Variants in CSMD1 observed in about 807,000 individuals in gnomAD.
The protein encoded by CSMD1 is CUB and Sushi multiple domains 1.
A neutral mutation model predicts 417.5 loss-of-function variants in CSMD1; 213 were observed. That is an observed-to-expected ratio of 0.51 (90% CI 0.46 to 0.57). The LOEUF is 0.57. CSMD1 is among the 20% of genes least tolerant of loss of function. CSMD1 has a pLI of 0.00. For synonymous variants in CSMD1, 2,862 were observed against 1,736.8 expected, an observed-to-expected ratio of 1.65 and a Z score of -16.11; for missense variants, 6,923 against 4,529.7, an observed-to-expected ratio of 1.53 and a Z score of -15.17.
intron 50 of CSMD1, among the ~76,000 whole-genome samples, chr8:3,044,208 T>C (rs1449928365): frequency 6.6e-6 from 1 of 152,230 alleles, no homozygotes; most frequent in Non-Finnish European, 1.5e-5. Context: ...GACTGTACTG[T>C]CCTTCATATG....
At chr8:3,302,014 TTTCA>T (rs1467468684) in intron 25 of CSMD1, among the ~76,000 whole-genome samples, 1 of 152,136 alleles carries the variant, frequency 6.6e-6, no homozygotes, top group Non-Finnish European at 1.5e-5. Flanking sequence ...ACAGTCCTAT[TTTCA>T]TTGTTTTAGG....
At chr8:3,550,752 C>G (rs1439001921) in intron 10 of CSMD1, among the ~76,000 whole-genome samples, 1 of 152,156 alleles carries the variant, frequency 6.6e-6, no homozygotes, top group Non-Finnish European at 1.5e-5. Flanking sequence ...TCATGGCCAA[C>G]CAGGCTTGCA....
intron 7 of CSMD1, among the ~76,000 whole-genome samples, chr8:3,623,299 T>C (rs1796346265): frequency 6.6e-6 from 1 of 152,224 alleles, no homozygotes; most frequent in East Asian, 1.9e-4. Context: ...CTTCATCAAA[T>C]TACCCTGCTG....
chr8:4,396,202 C>T (rs1478451238), intron 3 of CSMD1, among the ~76,000 whole-genome samples: 8 of 151,934 alleles, frequency 5.3e-5, no homozygotes, highest in African/African-American at 1.7e-4. Flanking sequence ...CAATGACTCA[C>T]GCCAATCCCA....
rs181499036 is a variant in CSMD1, at chr8:3,650,840, C to A, written c.1010-34043G>T. 3.3e-5 allele frequency among the ~76,000 whole-genome samples: 5 copies of A among 152,280 alleles called. No homozygotes were observed. The East Asian group carries it at 5.8e-4, about 18-fold the overall frequency. On this transcript the variant is annotated intron_variant, in intron 7 of 69. Coordinates refer to ENST00000635120, the MANE Select transcript of CSMD1 (RefSeq NM_033225.6). ...AACACTGGTTATACCATCTCCAATC[C>A]TGACATCTCCCCTGTATGTAACTAT... is the stretch of plus-strand genomic sequence containing the variant.
chr8:3,613,616 C>G (rs1463955180), intron 8 of CSMD1, among the ~76,000 whole-genome samples: 2 of 151,424 alleles, frequency 1.3e-5, no homozygotes, highest in Non-Finnish European at 2.9e-5. Flanking sequence ...GTTAAGCCCT[C>G]ATATTCACAA....
At chr8:3,272,399 G>C (rs975258234) in intron 26 of CSMD1, among the ~76,000 whole-genome samples, 27 of 150,956 alleles carry the variant, frequency 1.8e-4, no homozygotes, top group African/African-American at 6.5e-4. Flanking sequence ...GCTCAGGACT[G>C]ACTTGGCAAT....
chr8:3,267,519 G>A (rs1050989644), intron 26 of CSMD1, among the ~76,000 whole-genome samples: 1 of 152,170 alleles, frequency 6.6e-6, no homozygotes, highest in Non-Finnish European at 1.5e-5. Context: ...GGAGTCCAGA[G>A]GAGAGAATCC....
intron 3 of CSMD1, among the ~76,000 whole-genome samples, chr8:4,267,845 G>T (rs190228424): frequency 6.6e-6 from 1 of 152,126 alleles, no homozygotes; most frequent in Admixed American, 6.6e-5. Context: ...AATTTAGCTT[G>T]AATTATTGTC....
intron 5 of CSMD1, among the ~76,000 whole-genome samples, chr8:3,833,324 A>G (rs889342176): frequency 3.9e-5 from 6 of 152,104 alleles, no homozygotes; most frequent in Non-Finnish European, 1.5e-5. Flanking sequence ...TTCGGAAAAC[A>G]TTATTCTAAG....
intron 10 of CSMD1, chr8:3,515,169 G>A (rs186528292): frequency 9.2e-5 from 14 of 152,258 alleles, no homozygotes; most frequent in Middle Eastern, 3.4e-3. Flanking sequence ...AGTCATGAAA[G>A]TCCTACTCTC....
rs143259172 is a variant in CSMD1 at position 4,314,928 on chromosome 8, C to T, written c.415+105025G>A. The stretch of plus-strand genomic sequence containing the variant: ...TCCTAAAAACACAGAGATTATACCA[C>T]AGGAAAAGTGGGGTTGACATTCTAC... On this transcript the variant is annotated intron_variant, in intron 3 of 69. Transcript: ENST00000635120. Among the ~76,000 whole-genome samples, 470 of 152,268 alleles carry T rather than the reference C, an allele frequency of 3.1e-3. 4 individuals are homozygous for T. Among genetic ancestry groups the T allele is most frequent in the African/African-American group, 0.011 (456 of 41,548 alleles).
intron 3 of CSMD1, among the ~76,000 whole-genome samples, chr8:4,120,089 C>T (rs548660670): frequency 1.1e-3 from 162 of 152,190 alleles, no homozygotes; most frequent in Admixed American, 2.1e-3. Context: ...AGGATAAATG[C>T]TTGAGGGGAT....
chr8:3,763,473 T>G (rs980876153), intron 5 of CSMD1, among the ~76,000 whole-genome samples: 1 of 152,050 alleles, frequency 6.6e-6, no homozygotes, highest in Non-Finnish European at 1.5e-5. Flanking sequence ...TCTCCTTTGC[T>G]CCCCTTCTCA....
chr8:3,538,206 A>G (rs1024538244), intron 10 of CSMD1, among the ~76,000 whole-genome samples: 1 of 152,136 alleles, frequency 6.6e-6, no homozygotes, highest in Non-Finnish European at 1.5e-5. Flanking sequence ...CATTCCCACT[A>G]GCACCATCAG....
chr8:4,615,272 A>C (rs1336270301), intron 2 of CSMD1, among the ~76,000 whole-genome samples: 1 of 152,202 alleles, frequency 6.6e-6, no homozygotes, highest in Non-Finnish European at 1.5e-5. Flanking sequence ...AGCTTAAGGC[A>C]CTATGAAATA....
At position 3,034,653 on chromosome 8, in the gene CSMD1, G is replaced by C. The variant is rs571984330; in HGVS notation, c.7661-5140C>G. Among the ~76,000 whole-genome samples, 3 of 152,078 alleles carry C rather than the reference G, an allele frequency of 2.0e-5. 1 individual carries two copies. Reference sequence around the variant, plus strand: ...AAATCAATGCATAATAGTTTAACAAGGGATTATTTAGGAAGACTAGGATGC... The same window carrying C: ...AAATCAATGCATAATAGTTTAACAACGGATTATTTAGGAAGACTAGGATGC... On this transcript the variant is annotated intron_variant, in intron 50 of 69. Coordinates refer to ENST00000635120, the MANE Select transcript of CSMD1 (RefSeq NM_033225.6).
At chr8:3,637,292 G>T (rs1226475209) in intron 7 of CSMD1, among the ~76,000 whole-genome samples, 3 of 152,066 alleles carry the variant, frequency 2.0e-5, no homozygotes, top group Non-Finnish European at 2.9e-5. Flanking sequence ...GTGTATGCTT[G>T]GGGGAGTTTC....
chr8:4,189,455 T>G (rs919419891), intron 3 of CSMD1, among the ~76,000 whole-genome samples: 4 of 152,328 alleles, frequency 2.6e-5, no homozygotes, highest in Non-Finnish European at 5.9e-5. Context: ...AAAGTATGTT[T>G]GCAGAAAAGA....
Sources: allele counts gnomAD v4.1 joint callset (sites outside exome capture counted in the v4.1 genomes callset), GRCh38; gene constraint gnomAD v4.1.1; transcripts MANE v1.5; gene names NCBI Gene and HGNC (gene_info 2026-07-23, HGNC 2026-07-21).